Variants in TRPC4AP observed in about 807,000 individuals in gnomAD.
TRPC4AP encodes the protein short transient receptor potential channel 4-associated protein.
TRPC4AP carries 45 observed loss-of-function variants against 99.0 expected under a neutral mutation model. The ratio of observed to expected loss-of-function variants is 0.45; its 90% CI spans 0.36 to 0.58. The LOEUF (loss-of-function observed/expected upper bound fraction) is 0.58. TRPC4AP is among the 20% of genes least tolerant of loss of function. The pLI, the probability that TRPC4AP is intolerant of heterozygous loss-of-function variation, is 0.00. For missense variants in TRPC4AP, 879 were observed against 985.3 expected, an observed-to-expected ratio of 0.89 and a Z score of 1.44; for synonymous variants, 408 against 385.8, an observed-to-expected ratio of 1.06 and a Z score of -0.67.
chr20:35,021,601 G>C (rs1013235270), intron 8 of TRPC4AP, among the ~76,000 whole-genome samples: 1 of 152,074 alleles, frequency 6.6e-6, no homozygotes, highest in African/African-American at 2.4e-5. Flanking sequence ...AAAAATATTC[G>C]GACACAGCCA....
In TRPC4AP at chr20:35,024,854, A is replaced by ACAAAAAAAACAT. The variant is rs1555904987; in HGVS notation, c.1052-3499_1052-3498insATGTTTTTTTTG. ...AAAAAAAAAAAAAAAAAAAAAAAAA[A>ACAAAAAAAACAT]ATTCTGTTTATTCATTAATCAGGTG... is the stretch of plus-strand genomic sequence containing the variant. On this transcript the variant is annotated intron_variant, in intron 8 of 18. Transcript: ENST00000252015. 5.6e-5 allele frequency among the ~76,000 whole-genome samples: 5 copies of ACAAAAAAAACAT among 89,480 alleles called. 1 individual carries two copies. Among genetic ancestry groups the ACAAAAAAAACAT allele is most frequent in the East Asian group, 4.4e-4 (1 of 2,280 alleles). 58.7% of individuals were successfully genotyped at this position (89,480 alleles called of 152,430 possible). A position where few individuals can be genotyped will look rare whatever the true frequency, so the allele number is the denominator to read the frequency against.
intron 7 of TRPC4AP, among the ~76,000 whole-genome samples, chr20:35,035,642 T>G (rs1041214727): frequency 2.6e-5 from 4 of 152,152 alleles, no homozygotes; most frequent in African/African-American, 9.7e-5. Context: ...CACGAGAATA[T>G]CTGTATAAGG....
chr20:35,054,341 T>A (rs565881756), intron 5 of TRPC4AP, among the ~76,000 whole-genome samples: 5 of 152,334 alleles, frequency 3.3e-5, no homozygotes, highest in Admixed American at 6.5e-5. Flanking sequence ...CATTTATATA[T>A]TGTTTTACAA....
At chr20:35,086,431 ATGTGTGTGTGTGTGTGTGTGTG>A (rs150231202) in intron 1 of TRPC4AP, among the ~76,000 whole-genome samples, 2,280 of 109,526 alleles carry the variant, frequency 0.021, 76 homozygotes, top group South Asian at 0.068. Context: ...TGAATGGCAT[ATGTGTGTGTGTGTGTGTGTGTG>A]TGTGTGTGTG....
intron 5 of TRPC4AP, among the ~76,000 whole-genome samples, chr20:35,052,354 A>T (rs73273864): frequency 0.044 from 6,703 of 152,094 alleles, 489 homozygotes; most frequent in African/African-American, 0.15. Context: ...TCGGCCTATC[A>T]AAGTGTTGAG....
At chr20:35,012,518 T>C (rs1247141904) in intron 11 of TRPC4AP, among the ~76,000 whole-genome samples, 1 of 152,136 alleles carries the variant, frequency 6.6e-6, no homozygotes, top group Non-Finnish European at 1.5e-5. Context: ...CAGCAGAGAG[T>C]AATTTTCCTT....
intron 16 of TRPC4AP, among the ~76,000 whole-genome samples, chr20:35,005,090 C>T (rs943852015): frequency 5.9e-5 from 9 of 152,156 alleles, no homozygotes; most frequent in Non-Finnish European, 1.2e-4. Context: ...GGGCAATAAC[C>T]GAAGGTACCA....
chr20:35,076,977 C>G (rs1263988532), intron 2 of TRPC4AP, among the ~76,000 whole-genome samples: 2 of 152,200 alleles, frequency 1.3e-5, no homozygotes, highest in Non-Finnish European at 2.9e-5. Context: ...ACACCCCTCC[C>G]CCTGCTTTGC....
intron 16 of TRPC4AP, among the ~76,000 whole-genome samples, chr20:35,004,895 T>C (rs540678705): frequency 4.6e-5 from 7 of 152,294 alleles, no homozygotes; most frequent in Admixed American, 4.6e-4. Context: ...CACAGGAAGA[T>C]GGATCCATGA....
chr20:35,005,718 A>T lies in TRPC4AP; in HGVS notation c.1913T>A (p.Phe638Tyr). The stretch of plus-strand genomic sequence containing the variant: ...ACCTTTCATATCCACCTGGTTTTCA[A>T]ATCGGTCCAGGGACAGAGTGACACA... ...VRCVTLSLDR[F>Y]ENQVDMKVAE... Residue 638 changes from phenylalanine (F) to tyrosine (Y), a missense_variant, in exon 16 of 19, where the codon TTT (phenylalanine) becomes TAT (tyrosine). Phe to Tyr is a conservative substitution (Grantham distance 22, BLOSUM62 3). Transcript: ENST00000252015. 6.2e-7 allele frequency: 1 copy of T among 1,614,118 alleles called. No individual in the cohort carries two copies. Among genetic ancestry groups the T allele is most frequent in the Non-Finnish European group, 8.5e-7 (1 of 1,179,980 alleles).
intron 3 of TRPC4AP, among the ~76,000 whole-genome samples, chr20:35,058,049 A>G (rs2083883697): frequency 1.3e-5 from 2 of 152,238 alleles, no homozygotes; most frequent in South Asian, 4.1e-4. Flanking sequence ...TAAAATAAGC[A>G]TGTATTTAAA....
intron 3 of TRPC4AP, among the ~76,000 whole-genome samples, chr20:35,066,690 G>A (rs1408878654): frequency 6.6e-6 from 1 of 152,148 alleles, no homozygotes; most frequent in Non-Finnish European, 1.5e-5. Flanking sequence ...CCAACAGTGG[G>A]AAAGGCATGA....
At chr20:35,018,947 A>C (rs1217160520) in intron 9 of TRPC4AP, among the ~76,000 whole-genome samples, 2 of 152,242 alleles carry the variant, frequency 1.3e-5, no homozygotes, top group East Asian at 3.8e-4. Flanking sequence ...GGTACTGTAG[A>C]AGCTACTCAG....
chr20:35,074,571 T>G (rs1037414981), intron 2 of TRPC4AP, among the ~76,000 whole-genome samples: 71 of 152,310 alleles, frequency 4.7e-4, no homozygotes, highest in Non-Finnish European at 8.1e-4. Context: ...TCCACGTAGT[T>G]GAGTGGTTTT....
chr20:35,036,593 G>C (rs983870715), intron 7 of TRPC4AP, among the ~76,000 whole-genome samples: 2 of 152,118 alleles, frequency 1.3e-5, no homozygotes, highest in African/African-American at 4.8e-5. Context: ...ACGATGTCTG[G>C]GGTTTACTTC....
At position 35,086,763 on chromosome 20, in the gene TRPC4AP, G is replaced by A. The variant is rs189567500; in HGVS notation, c.168+5851C>T. ...AAAGTTAGTGAATCTGGCTGGGCAC[G>A]GCGACTCACATCTGTAATCCCAGCA... On this transcript the variant is annotated intron_variant, in intron 1 of 18. Transcript: ENST00000252015. Among the ~76,000 whole-genome samples, 363 of 151,984 alleles carry A rather than the reference G, an allele frequency of 2.4e-3. 12 individuals are homozygous for A. Among genetic ancestry groups the A allele is most frequent in the Admixed American group, 0.021 (322 of 15,236 alleles).
chr20:35,084,083 T>C (rs1305517422), intron 1 of TRPC4AP, among the ~76,000 whole-genome samples: 2 of 151,870 alleles, frequency 1.3e-5, no homozygotes, highest in Admixed American at 6.6e-5. Flanking sequence ...GTGGATTACC[T>C]GAGGTCAGGA....
chr20:35,039,797 G>C (rs145398923), intron 7 of TRPC4AP, among the ~76,000 whole-genome samples: 193 of 152,046 alleles, frequency 1.3e-3, no homozygotes, highest in Middle Eastern at 3.4e-3. Context: ...ATCGACAGAA[G>C]AACAACTGGT....
chr20:35,038,399 T>C (rs1233373218), intron 7 of TRPC4AP, among the ~76,000 whole-genome samples: 1 of 152,042 alleles, frequency 6.6e-6, no homozygotes, highest in Non-Finnish European at 1.5e-5. Context: ...GAGGGTTAAT[T>C]TGTCAACACT....
Sources: gnomAD v4.1 joint callset for allele counts (sites outside exome capture counted in the v4.1 genomes callset) on GRCh38, gnomAD v4.1.1 for gene constraint, MANE v1.5 for transcripts, NCBI Gene and HGNC (gene_info 2026-07-23, HGNC 2026-07-21) for gene names.